Variants in CADM2 observed in about 807,000 individuals in gnomAD.
The protein encoded by CADM2 is immunoglobulin superfamily member 4D.
In CADM2, 12 loss-of-function variants were observed where a neutral mutation model predicts 49.8. The observed-to-expected ratio is 0.24, with a 90% CI of 0.15 to 0.39. CADM2 has a LOEUF of 0.39. CADM2 is among the 10% of genes least tolerant of loss of function. CADM2 has a pLI of 1.00. For synonymous variants in CADM2, 214 were observed against 175.4 expected (o/e 1.22, Z -1.74); for missense variants, 378 against 492.3 (o/e 0.77, Z 2.20).
At chr3:85,655,826 G>A (rs1241297595) in intron 1 of CADM2, among the ~76,000 whole-genome samples, 1 of 152,146 alleles carries the variant, frequency 6.6e-6, no homozygotes, top group African/African-American at 2.4e-5. Context: ...TAGTAGGTGT[G>A]AGATAGAATT....
chr3:85,518,405 G>C (rs555340571), intron 1 of CADM2, among the ~76,000 whole-genome samples: 1 of 146,540 alleles, frequency 6.8e-6, no homozygotes, highest in Non-Finnish European at 1.5e-5. Context: ...CCAACATTTC[G>C]TTTAAAACAA....
intron 1 of CADM2, among the ~76,000 whole-genome samples, chr3:85,052,619 C>T (rs1161095853): frequency 1.3e-5 from 2 of 152,110 alleles, no homozygotes; most frequent in Admixed American, 1.3e-4. Flanking sequence ...AAAAAATCAA[C>T]TCTAAATTCT....
chr3:85,558,504 A>G (rs959335675), intron 1 of CADM2, among the ~76,000 whole-genome samples: 20 of 152,054 alleles, frequency 1.3e-4, no homozygotes, highest in African/African-American at 4.8e-4. Flanking sequence ...TATTTATGCA[A>G]TATATAAGTT....
chr3:85,709,447 T>C (rs1195974357), intron 1 of CADM2, among the ~76,000 whole-genome samples: 1 of 152,166 alleles, frequency 6.6e-6, no homozygotes, highest in African/African-American at 2.4e-5. Context: ...TTATAGTTTA[T>C]TTCTCTCTAA....
At chr3:85,194,185 T>A (rs932830890) in intron 1 of CADM2, among the ~76,000 whole-genome samples, 3 of 151,984 alleles carry the variant, frequency 2.0e-5, no homozygotes, top group African/African-American at 7.2e-5. Flanking sequence ...TTGTTGCATA[T>A]GTAAGTGCGC....
chr3:85,423,990 T>A (rs138608467), intron 1 of CADM2, among the ~76,000 whole-genome samples: 16 of 152,330 alleles, frequency 1.1e-4, no homozygotes, highest in Non-Finnish European at 2.2e-4. Context: ...TCCTTTGGCA[T>A]CCGATTCCTG....
rs550690432 is a variant in CADM2 at position 85,889,249 on chromosome 3, T to TA, written c.529+2926dup. ...TTAATTTTATATCCATGTTTCTGGG[T>TA]AAAAGTCACTTGAAAGTGCTAGTTT... On this transcript the variant is annotated intron_variant, in intron 5 of 9. Coordinates refer to ENST00000383699, the MANE Select transcript of CADM2 (RefSeq NM_001167675.2). Among the ~76,000 whole-genome samples, 541 of 152,334 alleles carry TA rather than the reference T, an allele frequency of 3.6e-3. 5 individuals carry two copies. Among genetic ancestry groups the TA allele is most frequent in the African/African-American group, 0.012 (503 of 41,564 alleles).
chr3:85,383,136 G>A (rs911173863), intron 1 of CADM2, among the ~76,000 whole-genome samples: 1 of 152,124 alleles, frequency 6.6e-6, no homozygotes, highest in African/African-American at 2.4e-5. Flanking sequence ...AAACAATCCA[G>A]CTGTTCCTGC....
intron 2 of CADM2, among the ~76,000 whole-genome samples, chr3:85,749,177 A>G (rs998555118): frequency 6.6e-6 from 1 of 151,842 alleles, no homozygotes; most frequent in Non-Finnish European, 1.5e-5. Flanking sequence ...ATTCAATACC[A>G]TATACAAAAC....
At chr3:86,035,107 T>A (rs1407605945) in intron 8 of CADM2, among the ~76,000 whole-genome samples, 1 of 152,040 alleles carries the variant, frequency 6.6e-6, no homozygotes, top group Admixed American at 6.6e-5. Flanking sequence ...AATAAAATCT[T>A]TAGCATGGCA....
chr3:85,113,485 C>G (rs2038531478), intron 1 of CADM2, among the ~76,000 whole-genome samples: 1 of 151,956 alleles, frequency 6.6e-6, no homozygotes. Flanking sequence ...CAAAGTAACA[C>G]TAACTTTCTT....
intron 8 of CADM2, among the ~76,000 whole-genome samples, chr3:85,969,074 T>A (rs1211647380): frequency 1.3e-5 from 2 of 151,716 alleles, no homozygotes; most frequent in South Asian, 4.1e-4. Flanking sequence ...CCTCTCTGGC[T>A]TAGACTAGGG....
At chr3:85,915,649 T>C (rs1718194068) in intron 6 of CADM2, among the ~76,000 whole-genome samples, 1 of 152,070 alleles carries the variant, frequency 6.6e-6, no homozygotes, top group Non-Finnish European at 1.5e-5. Context: ...CTAGATTATA[T>C]AGAACTTTCC....
At chr3:85,228,317 T>A (rs1304406856) in intron 1 of CADM2, among the ~76,000 whole-genome samples, 1 of 152,054 alleles carries the variant, frequency 6.6e-6, no homozygotes. Flanking sequence ...GAAGCTTTGT[T>A]CACTTCTTTT....
At chr3:85,468,045 T>G (rs1020022824) in intron 1 of CADM2, among the ~76,000 whole-genome samples, 2 of 148,948 alleles carry the variant, frequency 1.3e-5, no homozygotes, top group Admixed American at 1.4e-4. Context: ...TCCCAGCTAC[T>G]TGGGAGGCTG....
chr3:85,493,684 C>A (rs533718088), intron 1 of CADM2, among the ~76,000 whole-genome samples: 30 of 152,256 alleles, frequency 2.0e-4, no homozygotes, highest in Middle Eastern at 3.4e-3. Flanking sequence ...GCTCAGAGTT[C>A]CCTGAGGATT....
At chr3:85,143,967 A>G (rs2039653698) in intron 1 of CADM2, among the ~76,000 whole-genome samples, 1 of 152,076 alleles carries the variant, frequency 6.6e-6, no homozygotes, top group Non-Finnish European at 1.5e-5. Flanking sequence ...TTATACTCCT[A>G]CCAGCTCTCT....
chr3:85,644,770 G>A (rs2064835288), intron 1 of CADM2, among the ~76,000 whole-genome samples: 1 of 152,122 alleles, frequency 6.6e-6, no homozygotes, highest in Non-Finnish European at 1.5e-5. Flanking sequence ...AGAGCTTCAA[G>A]TACAGTAGTA....
chr3:85,690,650 T>C (rs2066352590), intron 1 of CADM2, among the ~76,000 whole-genome samples: 1 of 152,026 alleles, frequency 6.6e-6, no homozygotes, highest in Non-Finnish European at 1.5e-5. Context: ...AGAGAAGCAA[T>C]AAGGTACATA....
Sources: gnomAD v4.1 joint callset for allele counts (sites outside exome capture counted in the v4.1 genomes callset) on GRCh38, gnomAD v4.1.1 for gene constraint, MANE v1.5 for transcripts, NCBI Gene and HGNC (gene_info 2026-07-23, HGNC 2026-07-21) for gene names.